ADAMTS14: variants seen among roughly 807,000 people sequenced by gnomAD.
ADAMTS14 encodes the protein ADAM metallopeptidase with thrombospondin type 1 motif 14.
ADAMTS14 carries 100 observed loss-of-function variants against 128.6 expected under a neutral mutation model. The observed-to-expected ratio is 0.78, with a 90% confidence interval of 0.66 to 0.92. ADAMTS14 has a LOEUF of 0.92. Among genes scored for constraint, ADAMTS14 ranks in the 40% least tolerant of loss-of-function variants. The pLI is 0.00. For missense variants in ADAMTS14, 1,562 were observed against 1,658.6 expected, an observed-to-expected ratio of 0.94 and a Z score of 1.01; for synonymous variants, 665 against 653.8, an observed-to-expected ratio of 1.02 and a Z score of -0.26.
chr10:70,734,722 A>G (rs1160799214), intron 8 of ADAMTS14, among the ~76,000 whole-genome samples: 1 of 152,102 alleles, frequency 6.6e-6, no homozygotes, highest in Admixed American at 6.5e-5. Flanking sequence ...GGAGGCAGAG[A>G]TATAGTCACT....
At chr10:70,684,983 A>C (rs995931467) in intron 2 of ADAMTS14, among the ~76,000 whole-genome samples, 3 of 152,224 alleles carry the variant, frequency 2.0e-5, no homozygotes, top group African/African-American at 7.2e-5. Context: ...TATGATATGG[A>C]ATAAAAGCCA....
intron 15 of ADAMTS14, among the ~76,000 whole-genome samples, chr10:70,747,957 T>G (rs1433763354): frequency 1.3e-5 from 2 of 152,196 alleles, no homozygotes; most frequent in East Asian, 3.9e-4. Flanking sequence ...GTGGCAGCCC[T>G]GGCGATGAAG....
chr10:70,708,450 G>T, intron 3 of ADAMTS14, 138 bp from the exon 4 acceptor site: 1 of 719,786 alleles, frequency 1.4e-6, no homozygotes, highest in African/African-American at 1.8e-5. Flanking sequence ...CTAGTATGGA[G>T]CAATCCCTCA....
rs1389810508 is a variant in ADAMTS14 at position 70,672,630 on chromosome 10, G to T, written c.-173G>T. On this transcript the variant is annotated 5_prime_UTR_variant, in exon 1 of 22. Transcript: ENST00000373207. ...CCAGCGGTCCAGGCGGCGGCGCCGCGCAGGGGACCCGGAGCAGGCGGGAGG... is the reference window on the plus strand; with the variant it reads ...CCAGCGGTCCAGGCGGCGGCGCCGCTCAGGGGACCCGGAGCAGGCGGGAGG... Among the ~76,000 whole-genome samples, 1 of 151,746 alleles carries T rather than the reference G, an allele frequency of 6.6e-6. No homozygotes were observed. The highest frequency in any genetic ancestry group is 1.5e-5 in the Non-Finnish European group (1 of 67,884).
chr10:70,723,825 G>T (rs1437829197), intron 4 of ADAMTS14, among the ~76,000 whole-genome samples: 5 of 152,272 alleles, frequency 3.3e-5, no homozygotes, highest in South Asian at 2.1e-4. Flanking sequence ...GCCAGAGAAA[G>T]CCCACCCCAG....
chr10:70,760,704 G>A lies in ADAMTS14; in HGVS notation c.3523G>A (p.Ala1175Thr). Residue 1175 changes from alanine (A) to threonine (T), a missense_variant, in exon 22 of 22, where the codon GCA becomes ACA. Physicochemically the swap from Ala to Thr is moderately conservative, Grantham distance 58 (BLOSUM62 0). Coordinates refer to ENST00000373207, the MANE Select transcript of ADAMTS14 (RefSeq NM_080722.4). ...PFAPETPIPGASWSISPTTPG... is the reference protein window; with the variant it reads ...PFAPETPIPGTSWSISPTTPG... ...TGCCCCTGAGACACCAATCCCTGGA[G>A]CATCCTGGAGCATCTCCCCTACCAC... 1.2e-6 allele frequency: 2 copies of A among 1,614,102 alleles called. No individual in the cohort carries two copies.
At chr10:70,711,983 C>T (rs1264561043) in intron 4 of ADAMTS14, among the ~76,000 whole-genome samples, 1 of 151,976 alleles carries the variant, frequency 6.6e-6, no homozygotes, top group African/African-American at 2.4e-5. Context: ...ACACTTCTTC[C>T]ATCCCAGGAG....
chr10:70,742,197 G>A (rs1185200068), intron 12 of ADAMTS14, among the ~76,000 whole-genome samples: 6 of 152,132 alleles, frequency 3.9e-5, no homozygotes, highest in African/African-American at 7.2e-5. Flanking sequence ...CACTCCCTTC[G>A]CACTGTTGCT....
rs1841789831 is a variant in ADAMTS14 at position 70,735,274 on chromosome 10, T to C, written c.1458T>C (p.Phe486=). 4 of 1,613,844 alleles carry C rather than the reference T, an allele frequency of 2.5e-6. No homozygotes were observed. Among genetic ancestry groups the C allele is most frequent in the Non-Finnish European group, 3.4e-6 (4 of 1,179,936 alleles). ...TGGATGAGCAGTGCCGCTTTGACTTTGGCAGTGGCTACCAGACCTGCTTGG... is the reference window on the plus strand; with the variant it reads ...TGGATGAGCAGTGCCGCTTTGACTTCGGCAGTGGCTACCAGACCTGCTTGG... ...YSMDEQCRFD[F]GSGYQTCLAF... is the part of the protein sequence containing the mutation. Residue 486 remains phenylalanine (F), a synonymous_variant, in exon 9 of 22, where the codon TTT becomes TTC. Coordinates refer to ENST00000373207, the MANE Select transcript of ADAMTS14 (RefSeq NM_080722.4).
At chr10:70,713,666 A>G (rs995511555) in intron 4 of ADAMTS14, among the ~76,000 whole-genome samples, 1 of 152,216 alleles carries the variant, frequency 6.6e-6, no homozygotes, top group Non-Finnish European at 1.5e-5. Flanking sequence ...AGGGTGGGAC[A>G]TGAGGCTATC....
intron 4 of ADAMTS14, among the ~76,000 whole-genome samples, chr10:70,712,109 G>A (rs1426205965): frequency 6.6e-6 from 1 of 152,138 alleles, no homozygotes; most frequent in Non-Finnish European, 1.5e-5. Flanking sequence ...CACCATGCTG[G>A]AACACTTGAC....
At chr10:70,703,884 C>T (rs935442785) in intron 3 of ADAMTS14, among the ~76,000 whole-genome samples, 4 of 152,234 alleles carry the variant, frequency 2.6e-5, no homozygotes, top group South Asian at 4.1e-4. Context: ...GGTCCATCTA[C>T]GGGCCTTCCT....
In ADAMTS14 at chr10:70,751,652, G is replaced by C. The variant is rs373370112; in HGVS notation, c.2596+6G>C. ...CAGCAAGGCCTGTGGAGGAGGTACC[G>C]GTTCCCTGACCCGCCAGTGCTTTGT... is the stretch of plus-strand genomic sequence containing the variant. On this transcript the variant is annotated splice_donor_region_variant and intron_variant, in intron 17 of 21. Coordinates refer to ENST00000373207, the MANE Select transcript of ADAMTS14 (RefSeq NM_080722.4). 2 of 1,599,500 alleles carry C rather than the reference G, an allele frequency of 1.3e-6. No individual in the cohort carries two copies. The highest frequency in any genetic ancestry group is 2.2e-5 in the South Asian group (2 of 90,774).
At chr10:70,685,666 C>T (rs904205515) in intron 2 of ADAMTS14, among the ~76,000 whole-genome samples, 7 of 152,332 alleles carry the variant, frequency 4.6e-5, no homozygotes, top group African/African-American at 1.7e-4. Context: ...CAATGTTCCT[C>T]TCGCAGTTCC....
chr10:70,741,709 T>A (rs1321513820), intron 12 of ADAMTS14, among the ~76,000 whole-genome samples: 1 of 152,178 alleles, frequency 6.6e-6, no homozygotes, highest in Admixed American at 6.5e-5. Flanking sequence ...ATAACGACTC[T>A]CTAGGCTGCC....
At chr10:70,724,234 T>C (rs1031191042) in intron 4 of ADAMTS14, among the ~76,000 whole-genome samples, 9 of 152,208 alleles carry the variant, frequency 5.9e-5, no homozygotes, top group African/African-American at 1.7e-4. Flanking sequence ...CAATATGTGG[T>C]GCTGAATCCT....
intron 4 of ADAMTS14, among the ~76,000 whole-genome samples, chr10:70,716,457 C>G (rs116757824): frequency 6.6e-6 from 1 of 152,144 alleles, no homozygotes; most frequent in Non-Finnish European, 1.5e-5. Context: ...TGGCTTCCCC[C>G]GAACAGGTGC....
At chr10:70,695,128 A>T (rs1363752203) in intron 2 of ADAMTS14, among the ~76,000 whole-genome samples, 1 of 152,140 alleles carries the variant, frequency 6.6e-6, no homozygotes, top group Admixed American at 6.5e-5. Flanking sequence ...ACATCTTTTC[A>T]TGTGCTTACT....
At position 70,762,303 on chromosome 10, in the gene ADAMTS14, C is replaced by G. The variant is rs1371714478; in HGVS notation, c.*1450C>G. 6.6e-6 allele frequency: 1 copy of G among 152,346 alleles called. No homozygotes were observed. Among genetic ancestry groups the G allele is most frequent in the Non-Finnish European group, 1.5e-5 (1 of 68,126 alleles). 9.4% of individuals were successfully genotyped at this position (152,346 alleles called of 1,614,324 possible). A position where few individuals can be genotyped will look rare whatever the true frequency, so the allele number is the denominator to read the frequency against. ...GGCTCCCCGCCCTCCCCCTGTTGCC[C>G]TCCCCTCCCTGGGATGCTGGGGCAC... On this transcript the variant is annotated 3_prime_UTR_variant, in exon 22 of 22. Coordinates refer to ENST00000373207, the MANE Select transcript of ADAMTS14 (RefSeq NM_080722.4).
Sources: gnomAD v4.1 joint callset for allele counts (sites outside exome capture counted in the v4.1 genomes callset) on GRCh38, gnomAD v4.1.1 for gene constraint, MANE v1.5 for transcripts, NCBI Gene and HGNC (gene_info 2026-07-23, HGNC 2026-07-21) for gene names.